ZFYVE9: variants seen among roughly 807,000 people sequenced by gnomAD.
ZFYVE9 encodes zinc finger FYVE-type containing 9.
A neutral mutation model predicts 126.7 loss-of-function variants in ZFYVE9; 43 were observed. The observed-to-expected ratio is 0.34, with a 90% CI of 0.27 to 0.44. ZFYVE9 has a LOEUF of 0.44. Among genes scored for constraint, ZFYVE9 ranks in the 20% least tolerant of loss-of-function variants. The pLI, the probability that ZFYVE9 is intolerant of heterozygous loss-of-function variation, is 1.00. For synonymous variants in ZFYVE9, 521 were observed against 597.4 expected, an observed-to-expected ratio of 0.87 and a Z score of 1.87; for missense variants, 1,476 against 1,697.0, an observed-to-expected ratio of 0.87 and a Z score of 2.29.
rs761057030 is a variant in ZFYVE9 at position 52,297,007 on chromosome 1, A to G, written c.3333+1030A>G. Reference sequence around the variant, plus strand: ...TTTTTTGTAGAGAGAGCGTTTTGCTATGTTGGCCAGACTGATCTCAAACTC... The same window carrying G: ...TTTTTTGTAGAGAGAGCGTTTTGCTGTGTTGGCCAGACTGATCTCAAACTC... On this transcript the variant is annotated intron_variant, in intron 12 of 18. Transcript: ENST00000287727. Among the ~76,000 whole-genome samples, 4 of 152,174 alleles carry G rather than the reference A, an allele frequency of 2.6e-5. No individual in the cohort carries two copies. The South Asian group carries it at 8.3e-4, about 32-fold the overall frequency.
intron 13 of ZFYVE9, among the ~76,000 whole-genome samples, chr1:52,318,043 C>G (rs766628156): frequency 3.3e-5 from 5 of 152,020 alleles, no homozygotes; most frequent in Non-Finnish European, 2.9e-5. Flanking sequence ...GAATCTTACT[C>G]TATGAGGTCA....
chr1:52,201,914 G>A (rs1015399824), intron 1 of ZFYVE9, among the ~76,000 whole-genome samples: 1 of 151,754 alleles, frequency 6.6e-6, no homozygotes, highest in Non-Finnish European at 1.5e-5. Flanking sequence ...CTCCTGAGTA[G>A]CTGGAATTAC....
intron 1 of ZFYVE9, among the ~76,000 whole-genome samples, chr1:52,199,128 C>T (rs1208756848): frequency 5.3e-5 from 8 of 151,544 alleles, no homozygotes; most frequent in East Asian, 3.9e-4. Context: ...TGCTGTGGCG[C>T]GATCTCGACT....
intron 1 of ZFYVE9, among the ~76,000 whole-genome samples, chr1:52,169,246 C>CA (rs1329733559): frequency 1.3e-5 from 2 of 151,788 alleles, no homozygotes; most frequent in African/African-American, 2.4e-5. Context: ...ACAAAAAATG[C>CA]AAAAAAACTA....
At chr1:52,277,538 C>T (rs1332358424) in intron 8 of ZFYVE9, among the ~76,000 whole-genome samples, 1 of 152,042 alleles carries the variant, frequency 6.6e-6, no homozygotes, top group Non-Finnish European at 1.5e-5. Context: ...ATTTCTCTTT[C>T]CAATAAATAT....
intron 13 of ZFYVE9, among the ~76,000 whole-genome samples, chr1:52,314,702 C>A (rs1425939327): frequency 6.6e-6 from 1 of 152,100 alleles, no homozygotes; most frequent in East Asian, 1.9e-4. Context: ...CGCCTCTAGT[C>A]CCAGCTACTT....
chr1:52,333,196 G>C (rs1052660223), intron 14 of ZFYVE9, among the ~76,000 whole-genome samples: 10 of 151,522 alleles, frequency 6.6e-5, no homozygotes, highest in Non-Finnish European at 1.2e-4. Context: ...ATGACGAGTT[G>C]ATGGGTGCAG....
At chr1:52,290,732 A>C (rs1645911759) in intron 10 of ZFYVE9, among the ~76,000 whole-genome samples, 1 of 152,192 alleles carries the variant, frequency 6.6e-6, no homozygotes, top group Non-Finnish European at 1.5e-5. Flanking sequence ...CTTACTCTAA[A>C]ATCATTGAAA....
chr1:52,236,715 AATAAT>A (rs1645276286), intron 3 of ZFYVE9, among the ~76,000 whole-genome samples: 1 of 152,142 alleles, frequency 6.6e-6, no homozygotes, highest in Admixed American at 6.5e-5. Context: ...GTCCTCAGAT[AATAAT>A]ATAAATATGA....
intron 3 of ZFYVE9, 72 bp downstream of exon 3, chr1:52,233,348 AT>A: frequency 1.8e-6 from 2 of 1,101,790 alleles, no homozygotes; most frequent in Non-Finnish European, 2.5e-6. Context: ...AGGATGTAGT[AT>A]TTAAAAAAAT....
chr1:52,151,878 T>G (rs1644359918), intron 1 of ZFYVE9, among the ~76,000 whole-genome samples: 2 of 152,208 alleles, frequency 1.3e-5, no homozygotes, highest in Non-Finnish European at 2.9e-5. Flanking sequence ...TCAAATAAGT[T>G]TGGGTTTTCA....
intron 1 of ZFYVE9, among the ~76,000 whole-genome samples, chr1:52,169,122 C>T (rs1441193027): frequency 2.0e-5 from 3 of 152,096 alleles, no homozygotes; most frequent in Non-Finnish European, 2.9e-5. Context: ...ACCCCCTAGT[C>T]GAGTGCAGTG....
intron 7 of ZFYVE9, among the ~76,000 whole-genome samples, chr1:52,271,746 A>T (rs1391973984): frequency 6.6e-6 from 1 of 152,208 alleles, no homozygotes; most frequent in Admixed American, 6.5e-5. Context: ...ATACCGGAAA[A>T]TTTTAGAAAT....
rs1569797360 is a variant in ZFYVE9 at position 52,345,061 on chromosome 1, G to T, written c.4116+117G>T. ...ATTCTCCGACCTTCTGGCCTGACTGGATATAGTGTTTTTGGCCCTCTCTTT... is the reference window on the plus strand; with the variant it reads ...ATTCTCCGACCTTCTGGCCTGACTGTATATAGTGTTTTTGGCCCTCTCTTT... On this transcript the variant is annotated intron_variant, in intron 18 of 18. Transcript: ENST00000287727. 6 of 1,141,710 alleles carry T rather than the reference G, an allele frequency of 5.3e-6. No homozygotes were observed. The East Asian group carries it at 1.4e-4, about 27-fold the overall frequency. 70.7% of individuals were successfully genotyped at this position (1,141,710 alleles called of 1,614,324 possible). A position where few individuals can be genotyped will look rare whatever the true frequency, so the allele number is the denominator to read the frequency against.
chr1:52,243,030 T>C (rs1645350431), intron 4 of ZFYVE9, among the ~76,000 whole-genome samples: 1 of 152,224 alleles, frequency 6.6e-6, no homozygotes, highest in Non-Finnish European at 1.5e-5. Flanking sequence ...GATCTTGAGA[T>C]TGCCTCTGAT....
intron 1 of ZFYVE9, among the ~76,000 whole-genome samples, chr1:52,214,115 A>C (rs2124591063): frequency 1.3e-5 from 2 of 152,320 alleles, no homozygotes; most frequent in Middle Eastern, 6.8e-3. Context: ...GGTTGAAAGT[A>C]GATTAAGGAA....
At chr1:52,333,231 C>A (rs111803171) in intron 14 of ZFYVE9, among the ~76,000 whole-genome samples, 2 of 149,452 alleles carry the variant, frequency 1.3e-5, no homozygotes, top group Non-Finnish European at 1.5e-5. Flanking sequence ...CATGTGTATA[C>A]GTATGTAACA....
chr1:52,339,465 G>T (rs1646416148), intron 16 of ZFYVE9, among the ~76,000 whole-genome samples: 1 of 151,940 alleles, frequency 6.6e-6, no homozygotes, highest in Admixed American at 6.6e-5. Flanking sequence ...AATTTTTTGT[G>T]TTTTTAGTAG....
intron 1 of ZFYVE9, among the ~76,000 whole-genome samples, chr1:52,198,848 A>C (rs1644895460): frequency 2.0e-5 from 3 of 152,262 alleles, no homozygotes; most frequent in Admixed American, 2.0e-4. Flanking sequence ...AATATCCTCC[A>C]CAATTGTTTC....
Sources: allele counts gnomAD v4.1 joint callset (sites outside exome capture counted in the v4.1 genomes callset), GRCh38; gene constraint gnomAD v4.1.1; transcripts MANE v1.5; gene names NCBI Gene and HGNC (gene_info 2026-07-23, HGNC 2026-07-21).